The following TRABD2B variants were observed in gnomAD, a reference collection of about 807,000 sequenced individuals.
The protein encoded by TRABD2B is TraB domain containing 2B.
Under a neutral mutation model 40.1 loss-of-function variants are expected in TRABD2B, and 14 were observed. The observed-to-expected ratio is 0.35, with a 90% confidence interval of 0.23 to 0.55. TRABD2B has a LOEUF of 0.55. Ranked by LOEUF, TRABD2B falls within the 20% of genes least tolerant of loss-of-function variation. TRABD2B has a pLI of 0.90. For synonymous variants in TRABD2B, 263 were observed against 277.0 expected, an observed-to-expected ratio of 0.95 and a Z score of 0.50; for missense variants, 541 against 648.6, an observed-to-expected ratio of 0.83 and a Z score of 1.80.
At chr1:47,802,772 C>T (rs1282826726) in intron 2 of TRABD2B, among the ~76,000 whole-genome samples, 2 of 152,090 alleles carry the variant, frequency 1.3e-5, no homozygotes, top group Non-Finnish European at 1.5e-5. Flanking sequence ...CGGGCACACC[C>T]CCTCCCTTCT....
At chr1:47,853,926 G>T (rs950948073) in intron 2 of TRABD2B, among the ~76,000 whole-genome samples, 1 of 152,110 alleles carries the variant, frequency 6.6e-6, no homozygotes, top group Admixed American at 6.5e-5. Flanking sequence ...CCTTGCAATG[G>T]CTCCCACTGC....
chr1:47,961,496 T>A (rs551464644), intron 2 of TRABD2B, among the ~76,000 whole-genome samples: 1 of 152,000 alleles, frequency 6.6e-6, no homozygotes, highest in Non-Finnish European at 1.5e-5. Flanking sequence ...AATCTACAAA[T>A]AACTTAAACA....
intron 6 of TRABD2B, among the ~76,000 whole-genome samples, chr1:47,773,989 C>T (rs766955078): frequency 3.9e-5 from 6 of 152,152 alleles, no homozygotes; most frequent in Non-Finnish European, 5.9e-5. Context: ...AAGAGGCAGC[C>T]CTTGATTCCT....
chr1:47,982,453 T>G (rs1302530460), intron 2 of TRABD2B, among the ~76,000 whole-genome samples: 4 of 152,144 alleles, frequency 2.6e-5, no homozygotes, highest in African/African-American at 9.7e-5. Flanking sequence ...TGGAAACAGA[T>G]GTTCAGCCAT....
At chr1:47,927,589 A>C (rs1263637726) in intron 2 of TRABD2B, among the ~76,000 whole-genome samples, 1 of 152,164 alleles carries the variant, frequency 6.6e-6, no homozygotes, top group Admixed American at 6.5e-5. Flanking sequence ...AAAAACACTG[A>C]GGCCATAAAA....
intron 4 of TRABD2B, among the ~76,000 whole-genome samples, chr1:47,793,718 A>T (rs1217012911): frequency 6.6e-6 from 1 of 152,252 alleles, no homozygotes; most frequent in Non-Finnish European, 1.5e-5. Flanking sequence ...GGTTAGTAAC[A>T]AGAGGCAAAC....
chr1:47,794,794 T>TG lies in TRABD2B; in HGVS notation c.814-35_814-34insC, dbSNP rs1186861800. The TG allele has an allele frequency of 3.8e-6, 5 of 1,331,828 alleles. No individual in the cohort carries two copies. The East Asian group carries it at 9.0e-5, about 24-fold the overall frequency. 82.5% of individuals were successfully genotyped at this position (1,331,828 alleles called of 1,614,324 possible). On this transcript the variant is annotated intron_variant, in intron 3 of 6. Coordinates refer to ENST00000606738, the MANE Select transcript of TRABD2B (RefSeq NM_001194986.2). Reference sequence around the variant, plus strand: ...GCAAGACAGAGGCTGCCTTCAGTTTTTTTTTTTTTTTTTTTTTTGATAAAG... The same window carrying TG: ...GCAAGACAGAGGCTGCCTTCAGTTTTGTTTTTTTTTTTTTTTTTTGATAAAG...
intron 2 of TRABD2B, among the ~76,000 whole-genome samples, chr1:47,899,939 G>A (rs1379317121): frequency 6.6e-6 from 1 of 152,154 alleles, no homozygotes; most frequent in African/African-American, 2.4e-5. Flanking sequence ...TATCCAATGA[G>A]AGTCAATTCA....
At chr1:47,851,435 G>T (rs1019012969) in intron 2 of TRABD2B, among the ~76,000 whole-genome samples, 1 of 152,202 alleles carries the variant, frequency 6.6e-6, no homozygotes, top group South Asian at 2.1e-4. Context: ...CCTGCGGGGT[G>T]GTGTGTGTAG....
At chr1:47,815,104 G>A (rs150484166) in intron 2 of TRABD2B, among the ~76,000 whole-genome samples, 1 of 152,172 alleles carries the variant, frequency 6.6e-6, no homozygotes, top group East Asian at 1.9e-4. Context: ...GGCAGCTCGG[G>A]TCTCCTATGC....
intron 2 of TRABD2B, among the ~76,000 whole-genome samples, chr1:47,858,640 G>T (rs962590603): frequency 6.6e-6 from 1 of 152,210 alleles, no homozygotes; most frequent in Non-Finnish European, 1.5e-5. Context: ...GCAAAGGGAA[G>T]TGACTTCCAA....
chr1:47,966,290 C>T (rs971676411), intron 2 of TRABD2B, among the ~76,000 whole-genome samples: 2 of 152,060 alleles, frequency 1.3e-5, no homozygotes, highest in African/African-American at 4.8e-5. Flanking sequence ...AGCCTGGCCA[C>T]GCTTGTCAGT....
intron 2 of TRABD2B, among the ~76,000 whole-genome samples, chr1:47,900,124 C>A (rs771876670): frequency 6.6e-6 from 1 of 152,112 alleles, no homozygotes; most frequent in Non-Finnish European, 1.5e-5. Context: ...ACCTCAGAGT[C>A]GGCTTCCCAG....
chr1:47,779,650 C>T (rs1412320381), intron 4 of TRABD2B, among the ~76,000 whole-genome samples: 1 of 152,004 alleles, frequency 6.6e-6, no homozygotes, highest in East Asian at 1.9e-4. Context: ...CCCTCTGCCT[C>T]GGGGGCCTCA....
At chr1:47,967,395 A>G (rs776845205) in intron 2 of TRABD2B, among the ~76,000 whole-genome samples, 3 of 151,848 alleles carry the variant, frequency 2.0e-5, no homozygotes, top group African/African-American at 4.8e-5. Context: ...CTTATCCAGA[A>G]GTCCACTATC....
Position 47,871,199 on chromosome 1 carries a change from G to C in TRABD2B, c.667-69580C>G, listed in dbSNP as rs183367692. ...TTGCCCAAGTAGTAAGGGGCTGAGA[G>C]TTATGAGAGTTACAGGGTGGAAGCT... is the stretch of plus-strand genomic sequence containing the variant. On this transcript the variant is annotated intron_variant, in intron 2 of 6. Coordinates refer to ENST00000606738, the MANE Select transcript of TRABD2B (RefSeq NM_001194986.2). Among the ~76,000 whole-genome samples, 493 of 152,234 alleles carry C rather than the reference G, an allele frequency of 3.2e-3. 2 individuals carry two copies. Among genetic ancestry groups the C allele is most frequent in the African/African-American group, 0.011 (474 of 41,536 alleles).
At chr1:47,852,322 T>C (rs937366196) in intron 2 of TRABD2B, among the ~76,000 whole-genome samples, 3 of 152,154 alleles carry the variant, frequency 2.0e-5, no homozygotes, top group Non-Finnish European at 4.4e-5. Context: ...AAGGCAGCCT[T>C]TGTTGCTGTT....
rs571285262 is a variant in TRABD2B, at chr1:47,882,602, A to G, written c.667-80983T>C. ...TTTGTGTATGCAATAGTCACCTTGT[A>G]TCTAACACAGACAGCACCTATGTGA... On this transcript the variant is annotated intron_variant, in intron 2 of 6. Transcript: ENST00000606738. Among the ~76,000 whole-genome samples the G allele has an allele frequency of 1.1e-3, 160 of 152,250 alleles. 2 individuals are homozygous for G. The highest frequency in any genetic ancestry group is 3.7e-3 in the African/African-American group (155 of 41,542).
chr1:47,878,318 A>G (rs768717886), intron 2 of TRABD2B, among the ~76,000 whole-genome samples: 30 of 152,194 alleles, frequency 2.0e-4, no homozygotes, highest in Non-Finnish European at 3.8e-4. Context: ...TCTCCCCTGC[A>G]CCCCCCAAAA....
Sources: gnomAD v4.1 joint callset for allele counts (sites outside exome capture counted in the v4.1 genomes callset) on GRCh38, gnomAD v4.1.1 for gene constraint, MANE v1.5 for transcripts, NCBI Gene and HGNC (gene_info 2026-07-23, HGNC 2026-07-21) for gene names.